Variants in DLG2 observed in about 807,000 individuals in gnomAD.
DLG2 encodes the protein disks large homolog 2.
In DLG2, 45 loss-of-function variants were observed where a neutral mutation model predicts 132.5. The observed-to-expected ratio is 0.34, with a 90% CI of 0.27 to 0.44. The LOEUF is 0.44. DLG2 is among the 20% of genes least tolerant of loss of function. DLG2 has a pLI of 1.00. For synonymous variants in DLG2, 424 were observed against 419.6 expected, an observed-to-expected ratio of 1.01 and a Z score of -0.13; for missense variants, 1,045 against 1,196.9, an observed-to-expected ratio of 0.87 and a Z score of 1.87.
chr11:83,548,444 A>T (rs2096293524), intron 19 of DLG2, among the ~76,000 whole-genome samples: 1 of 152,136 alleles, frequency 6.6e-6, no homozygotes. Context: ...TCACGGCAGT[A>T]ATGTAAAGCT....
chr11:85,433,796 C>T (rs1261083595), intron 3 of DLG2, among the ~76,000 whole-genome samples: 6 of 152,176 alleles, frequency 3.9e-5, no homozygotes, highest in Non-Finnish European at 7.3e-5. Flanking sequence ...AGGACTTGAA[C>T]TCAGCTCTGG....
At position 84,059,243 on chromosome 11, in the gene DLG2, C is replaced by T. The variant is rs17146704; in HGVS notation, c.919+72G>A. 2,304 of 1,445,040 alleles carry T rather than the reference C, an allele frequency of 1.6e-3. 35 individuals are homozygous for T. The African/African-American group carries it at 0.029, about 18-fold the overall frequency. The allele number at this position is 1,445,040 out of a possible 1,614,324, so 89.5% of individuals were successfully genotyped here. ...GTCAGAGGTTAAAGAGTTCATCATA[C>T]GACTATCGTGGCATAAACTTCAGTC... On this transcript the variant is annotated intron_variant, in intron 11 of 27. Transcript: ENST00000376104.
chr11:83,948,337 C>T (rs2084588971), intron 14 of DLG2, among the ~76,000 whole-genome samples: 1 of 152,024 alleles, frequency 6.6e-6, no homozygotes, highest in South Asian at 2.1e-4. Flanking sequence ...CAGTGAGACA[C>T]CCTCACAACC....
intron 6 of DLG2, among the ~76,000 whole-genome samples, chr11:85,003,945 C>T (rs904419810): frequency 1.3e-5 from 2 of 152,136 alleles, no homozygotes; most frequent in African/African-American, 4.8e-5. Flanking sequence ...TGTTCAACTC[C>T]CACTTATGAG....
intron 6 of DLG2, among the ~76,000 whole-genome samples, chr11:84,959,164 T>C: frequency 6.6e-6 from 1 of 152,146 alleles, no homozygotes; most frequent in South Asian, 2.1e-4. Flanking sequence ...TCTAAATGAA[T>C]CAAGGGTCCA....
At chr11:85,318,477 A>T (rs1490886798) in intron 3 of DLG2, among the ~76,000 whole-genome samples, 1 of 151,854 alleles carries the variant, frequency 6.6e-6, no homozygotes, top group Non-Finnish European at 1.5e-5. Flanking sequence ...TTGAGGAATA[A>T]AAGTGCAAAA....
intron 9 of DLG2, among the ~76,000 whole-genome samples, chr11:84,148,873 A>G (rs931392501): frequency 5.3e-5 from 8 of 152,272 alleles, no homozygotes; most frequent in Admixed American, 3.3e-4. Flanking sequence ...CGTCCCTACC[A>G]ACATCTATTA....
chr11:84,251,712 G>A (rs557334206), intron 7 of DLG2, among the ~76,000 whole-genome samples: 5 of 141,666 alleles, frequency 3.5e-5, no homozygotes, highest in South Asian at 4.4e-4. Flanking sequence ...GTGCAATCTC[G>A]GCTCACTCAG....
intron 7 of DLG2, among the ~76,000 whole-genome samples, chr11:84,299,095 C>A (rs1000067044): frequency 2.0e-5 from 3 of 152,058 alleles, no homozygotes; most frequent in Non-Finnish European, 4.4e-5. Context: ...GAGATATAAG[C>A]CCCCAAGAGC....
At chr11:85,067,148 T>C (rs2065047803) in intron 6 of DLG2, among the ~76,000 whole-genome samples, 1 of 151,900 alleles carries the variant, frequency 6.6e-6, no homozygotes, top group South Asian at 2.1e-4. Flanking sequence ...GTTTATAGTA[T>C]TCTCTGATGG....
chr11:85,025,262 T>C (rs1215490240), intron 6 of DLG2, among the ~76,000 whole-genome samples: 1 of 152,180 alleles, frequency 6.6e-6, no homozygotes, highest in African/African-American at 2.4e-5. Context: ...CAGAGGACAA[T>C]AAACAAATTT....
At chr11:85,152,165 C>A (rs927586980) in intron 5 of DLG2, among the ~76,000 whole-genome samples, 1 of 151,924 alleles carries the variant, frequency 6.6e-6, no homozygotes, top group African/African-American at 2.4e-5. Flanking sequence ...TGCTGAAATT[C>A]TCTAAAGTAC....
intron 5 of DLG2, among the ~76,000 whole-genome samples, chr11:85,146,629 C>CT (rs1430798222): frequency 1.3e-5 from 2 of 152,082 alleles, no homozygotes; most frequent in African/African-American, 4.8e-5. Flanking sequence ...GTCCTTTGTA[C>CT]TTTTTCTTCT....
Position 85,240,418 on chromosome 11 carries a change from C to G in DLG2, c.186+44802G>C, listed in dbSNP as rs183456990. 8.6e-5 allele frequency among the ~76,000 whole-genome samples: 13 copies of G among 151,814 alleles called. No individual in the cohort carries two copies. The East Asian group carries it at 2.5e-3, about 29-fold the overall frequency. On this transcript the variant is annotated intron_variant, in intron 4 of 27. Coordinates refer to ENST00000376104, the MANE Select transcript of DLG2 (RefSeq NM_001142699.3). The stretch of plus-strand genomic sequence containing the variant: ...TAAAATAACTTGATAAACAAAAGCT[C>G]TTATGTTTTAAAGTCAAATATATCA...
chr11:83,624,490 T>C (rs996240445), intron 19 of DLG2, among the ~76,000 whole-genome samples: 3 of 152,096 alleles, frequency 2.0e-5, no homozygotes, highest in African/African-American at 7.2e-5. Flanking sequence ...CCTGAAAGAG[T>C]AAGCATTATG....
intron 18 of DLG2, among the ~76,000 whole-genome samples, chr11:83,661,401 AAAAT>A (rs1419910196): frequency 6.6e-6 from 1 of 152,216 alleles, no homozygotes; most frequent in Non-Finnish European, 1.5e-5. Flanking sequence ...TTTCAGATAA[AAAAT>A]AAATTGAAAT....
chr11:83,694,495 A>G (rs2081538660), intron 18 of DLG2, among the ~76,000 whole-genome samples: 1 of 152,228 alleles, frequency 6.6e-6, no homozygotes, highest in Admixed American at 6.5e-5. Flanking sequence ...GTGAACTTCC[A>G]GATAGCAACC....
chr11:85,576,745 C>A (rs1258729787), intron 3 of DLG2, among the ~76,000 whole-genome samples: 1 of 152,044 alleles, frequency 6.6e-6, no homozygotes, highest in Admixed American at 6.6e-5. Context: ...GATGACATTA[C>A]AGTTGGGAGG....
At chr11:85,464,212 T>G (rs2092709627) in intron 3 of DLG2, among the ~76,000 whole-genome samples, 1 of 152,204 alleles carries the variant, frequency 6.6e-6, no homozygotes, top group South Asian at 2.1e-4. Flanking sequence ...ATTCTATGCA[T>G]TTTGTAATCA....
Sources: gnomAD v4.1 joint callset for allele counts (sites outside exome capture counted in the v4.1 genomes callset) on GRCh38, gnomAD v4.1.1 for gene constraint, MANE v1.5 for transcripts, NCBI Gene and HGNC (gene_info 2026-07-23, HGNC 2026-07-21) for gene names.